The following CHRNB4 variants were observed in gnomAD, a reference collection of about 807,000 sequenced individuals.
The protein encoded by CHRNB4 is neuronal acetylcholine receptor subunit beta-4.
In CHRNB4, 23 loss-of-function variants were observed where a neutral mutation model predicts 40.4. That is an observed-to-expected ratio of 0.57 (90% confidence interval 0.41 to 0.81). The LOEUF is 0.81. CHRNB4 is among the 30% of genes least tolerant of loss of function. CHRNB4 has a pLI of 0.00. For synonymous variants in CHRNB4, 285 were observed against 274.4 expected (o/e 1.04, Z -0.38); for missense variants, 568 against 670.6 (o/e 0.85, Z 1.69).
chr15:78,635,455 G>GC lies in CHRNB4; in HGVS notation c.187dup (p.Ala63GlyfsTer8). ...TGCACCTACCACGCTGATAAGCTGG[G>GC]CCAGGGAGAGCTGCAGCTTGATGGA... On this transcript the variant is annotated frameshift_variant, in exon 2 of 6. Coordinates refer to ENST00000261751, the MANE Select transcript of CHRNB4 (RefSeq NM_000750.5). LOFTEE classifies it high-confidence loss of function. The GC allele has an allele frequency of 1.2e-6, 2 of 1,614,000 alleles. No individual in the cohort carries two copies. Among genetic ancestry groups the GC allele is most frequent in the Non-Finnish European group, 1.7e-6 (2 of 1,179,994 alleles).
At chr15:78,640,312 T>C (rs892546519) in intron 1 of CHRNB4, among the ~76,000 whole-genome samples, 1 of 152,160 alleles carries the variant, frequency 6.6e-6, no homozygotes, top group Non-Finnish European at 1.5e-5. Flanking sequence ...ACTGAGGCCC[T>C]GAGAAGGCAG....
chr15:78,644,004 A>C (rs968513158), upstream of CHRNB4, among the ~76,000 whole-genome samples: 1 of 151,048 alleles, frequency 6.6e-6, no homozygotes, highest in African/African-American at 2.4e-5. Context: ...AAAAAAAAAA[A>C]AAAAAAAAAT....
Position 78,629,825 on chromosome 15 carries a change from A to G in CHRNB4, c.480T>C (p.Phe160=), listed in dbSNP as rs763490972. 1 of 1,613,930 alleles carries G rather than the reference A, an allele frequency of 6.2e-7. No individual in the cohort carries two copies. The part of the protein sequence containing the change: ...KSACKIEVKY[F]PFDQQNCTLK... Reference sequence around the variant, plus strand: ...GGGTGCAGTTCTGCTGGTCGAAGGGAAAGTACTTCACCTCAATCTTGCAGG... The same window carrying G: ...GGGTGCAGTTCTGCTGGTCGAAGGGGAAGTACTTCACCTCAATCTTGCAGG... Residue 160 remains phenylalanine (F), a synonymous_variant, in exon 5 of 6, where the codon TTT becomes TTC. Coordinates refer to ENST00000261751, the MANE Select transcript of CHRNB4 (RefSeq NM_000750.5). This position sits in a 1 kb window ranked among gnomAD's most constrained non-coding sequence, Gnocchi z 6.8.
intron 4 of CHRNB4, among the ~76,000 whole-genome samples, chr15:78,656,058 C>A (rs1377782243): frequency 6.6e-6 from 1 of 152,162 alleles, no homozygotes; most frequent in African/African-American, 2.4e-5. Context: ...AAATTCAAGA[C>A]TGGGTGTGAT....
chr15:78,661,297 C>A (rs1213955438), upstream of CHRNB4: 3 of 597,466 alleles, frequency 5.0e-6, no homozygotes, highest in East Asian at 1.3e-4. Context: ...CCCGGCTGGT[C>A]ACACACAGTG....
upstream of CHRNB4, chr15:78,661,468 C>T: frequency 3.8e-6 from 2 of 520,150 alleles, no homozygotes; most frequent in South Asian, 1.6e-5. Context: ...CTCTTCAGTA[C>T]AACCTGGTTG....
chr15:78,637,934 T>C (rs1010753738), intron 1 of CHRNB4, among the ~76,000 whole-genome samples: 1 of 152,134 alleles, frequency 6.6e-6, no homozygotes, highest in Non-Finnish European at 1.5e-5. Context: ...GCTGCTTGAG[T>C]ACCCTGGAAG....
At chr15:78,660,479 C>T (rs1240963448) in intron 1 of CHRNB4, 3 of 152,336 alleles carry the variant, frequency 2.0e-5, no homozygotes, top group Non-Finnish European at 4.4e-5. Context: ...CCTACTATGA[C>T]GTGGCACTCT....
chr15:78,647,861 C>CAAAA (rs146991423), intron 7 of CHRNB4, among the ~76,000 whole-genome samples: 432 of 39,096 alleles, frequency 0.011, 30 homozygotes, highest in Non-Finnish European at 0.015. Context: ...GACTCCATCT[C>CAAAA]AAAAAAAAAA....
chr15:78,658,511 A>T (rs928414232), intron 1 of CHRNB4: 11 of 152,206 alleles, frequency 7.2e-5, no homozygotes, highest in African/African-American at 2.7e-4. Context: ...CAACCGGGGG[A>T]CAAACCCAGT....
At chr15:78,647,690 C>CAAAAAAAAAAAAAAAAAA (rs57493774) in intron 7 of CHRNB4, among the ~76,000 whole-genome samples, 1 of 62,252 alleles carries the variant, frequency 1.6e-5, no homozygotes. Context: ...ACTAAAAATC[C>CAAAAAAAAAAAAAAAAAA]AAAAAAAAAA....
At chr15:78,631,402 T>G in intron 2 of CHRNB4, 70 bp from the exon 3 acceptor site, 1 of 1,510,992 alleles carries the variant, frequency 6.6e-7, no homozygotes, top group East Asian at 2.3e-5. Context: ...CACTTTATTG[T>G]GCAAAAGGCT....
rs199599011 is a variant in CHRNB4, at chr15:78,631,089, C to T, written c.346G>A (p.Val116Met). Residue 116 changes from valine (V) to methionine (M), a missense_variant, in exon 4 of 6, where the codon GTG (valine) becomes ATG (methionine). By Grantham distance (21) the Val-to-Met change is conservative. Around this residue, in one of 4 missense-constraint regions of CHRNB4, gnomAD observed 127 missense variants for 167.4 expected, o/e 0.76. Coordinates refer to ENST00000261751, the MANE Select transcript of CHRNB4 (RefSeq NM_000750.5). ...PAKRIWLPDI[V>M]LYNNADGTYE... Reference sequence around the variant, plus strand: ...CCTGCCACTCACTTGTTGTAAAGCACGATGTCAGGCAACCAGATGCGCTTT... The same window carrying T: ...CCTGCCACTCACTTGTTGTAAAGCATGATGTCAGGCAACCAGATGCGCTTT... The T allele has an allele frequency of 3.1e-6, 5 of 1,613,898 alleles. No individual in the cohort carries two copies. The highest frequency in any genetic ancestry group is 2.2e-5 in the South Asian group (2 of 91,088).
At chr15:78,647,502 T>C (rs564558763) in intron 7 of CHRNB4, among the ~76,000 whole-genome samples, 104 of 151,626 alleles carry the variant, frequency 6.9e-4, no homozygotes, top group Non-Finnish European at 1.2e-3. Context: ...GAAGTGATAA[T>C]GAGATACTAG....
chr15:78,653,295 A>C (rs1223057506), intron 5 of CHRNB4, among the ~76,000 whole-genome samples: 1 of 152,132 alleles, frequency 6.6e-6, no homozygotes, highest in Non-Finnish European at 1.5e-5. Flanking sequence ...TTTAAGTCTA[A>C]AGGGTTCACT....
At chr15:78,652,918 G>A (rs117143369) in intron 5 of CHRNB4, among the ~76,000 whole-genome samples, 2,573 of 152,292 alleles carry the variant, frequency 0.017, 48 homozygotes, top group Admixed American at 0.064. Context: ...AAAACTTATG[G>A]TTGGATTGAC....
intron 5 of CHRNB4, among the ~76,000 whole-genome samples, chr15:78,654,259 C>A (rs2054194797): frequency 6.6e-6 from 1 of 152,212 alleles, no homozygotes; most frequent in East Asian, 1.9e-4. Context: ...TTGCTGGGTG[C>A]TCCACGTAAG....
chr15:78,643,327 G>A (rs757563066), upstream of CHRNB4, among the ~76,000 whole-genome samples: 4 of 152,000 alleles, frequency 2.6e-5, no homozygotes, highest in Non-Finnish European at 5.9e-5. Flanking sequence ...TTGGCTCACT[G>A]CAACCTTCAC....
Position 78,624,843 on chromosome 15 carries a change from G to A in CHRNB4, c.*290C>T. On this transcript the variant is annotated 3_prime_UTR_variant, in exon 6 of 6. Coordinates refer to ENST00000261751, the MANE Select transcript of CHRNB4 (RefSeq NM_000750.5). ...CCATGCCTGAAGCATAGTAGGTGCT[G>A]CTACGAAGTCATCTTTATCCCCATT... 1 of 935,778 alleles carries A rather than the reference G, an allele frequency of 1.1e-6. No homozygotes were observed. Among genetic ancestry groups the A allele is most frequent in the Non-Finnish European group, 1.5e-6 (1 of 649,628 alleles). 58.0% of individuals were successfully genotyped at this position (935,778 alleles called of 1,614,324 possible). A position where few individuals can be genotyped will look rare whatever the true frequency, so the allele number is the denominator to read the frequency against.
Sources: gnomAD v4.1 joint callset for allele counts (sites outside exome capture counted in the v4.1 genomes callset) on GRCh38, gnomAD v4.1.1 for gene constraint, gnomAD v4.1.1 regional missense constraint, Gnocchi (gnomAD v3.1) non-coding constraint, MANE v1.5 for transcripts, NCBI Gene and HGNC (gene_info 2026-07-23, HGNC 2026-07-21) for gene names.